CSMD1: variants seen among roughly 807,000 people sequenced by gnomAD.
The protein encoded by CSMD1 is CUB and sushi domain-containing protein 1.
Under a neutral mutation model 417.5 loss-of-function variants are expected in CSMD1, and 213 were observed. The observed-to-expected ratio is 0.51, with a 90% CI of 0.46 to 0.57. CSMD1 has a LOEUF of 0.57. CSMD1 is among the 20% of genes least tolerant of loss of function. The probability of loss-of-function intolerance (pLI) is 0.00; values close to 1 mark genes in which losing one functional copy is unlikely to be tolerated. For missense variants in CSMD1, 6,923 were observed against 4,529.7 expected (o/e 1.53, Z -15.17); for synonymous variants, 2,862 against 1,736.8 (o/e 1.65, Z -16.11).
At chr8:3,682,549 C>G (rs149266289) in intron 7 of CSMD1, among the ~76,000 whole-genome samples, 21,740 of 152,178 alleles carry the variant, frequency 0.14, 1,756 homozygotes, top group South Asian at 0.21. Flanking sequence ...ACAACAGGTG[C>G]TGGAGAGGAT....
At chr8:2,999,619 C>G (rs1200750865) in intron 53 of CSMD1, among the ~76,000 whole-genome samples, 1 of 152,142 alleles carries the variant, frequency 6.6e-6, no homozygotes, top group Non-Finnish European at 1.5e-5. Context: ...CACCCTCCTA[C>G]TATCAGCTTT....
At chr8:3,817,342 G>A (rs1238658719) in intron 5 of CSMD1, among the ~76,000 whole-genome samples, 3 of 129,556 alleles carry the variant, frequency 2.3e-5, no homozygotes, top group Admixed American at 9.6e-5. Flanking sequence ...GTACAGTGGC[G>A]GGATCTTGGC....
In CSMD1 at chr8:3,978,508, C is replaced by A. The variant is rs1194760880; in HGVS notation, c.818+19395G>T. ...GGGACTTTACTTCAATACATTCTAC[C>A]ACGCAGCCTGAAACACACTTATGTG... On this transcript the variant is annotated intron_variant, in intron 5 of 69. Transcript: ENST00000635120. 2.6e-5 allele frequency among the ~76,000 whole-genome samples: 4 copies of A among 152,210 alleles called. No homozygotes were observed. In the East Asian group the frequency reaches 7.7e-4, roughly 29 times the overall value.
chr8:4,043,337 T>A (rs936590866), intron 3 of CSMD1, among the ~76,000 whole-genome samples: 3 of 151,636 alleles, frequency 2.0e-5, no homozygotes, highest in Admixed American at 2.0e-4. Flanking sequence ...AGAAAATGAA[T>A]GAGAAATACA....
In CSMD1 at chr8:4,002,673, G is replaced by C. The variant is rs565226493; in HGVS notation, c.611-4563C>G. Among the ~76,000 whole-genome samples, 32 of 152,250 alleles carry C rather than the reference G, an allele frequency of 2.1e-4. No individual in the cohort carries two copies. The South Asian group carries it at 5.8e-3, about 28-fold the overall frequency. ...ATAAAAGCTTTGCTGACAGAAATGG[G>C]AACCATTATCCCTGCAGTGTGGAGT... On this transcript the variant is annotated intron_variant, in intron 4 of 69. Transcript: ENST00000635120.
chr8:3,264,831 C>T (rs905675114), intron 26 of CSMD1, among the ~76,000 whole-genome samples: 1 of 151,284 alleles, frequency 6.6e-6, no homozygotes, highest in Non-Finnish European at 1.5e-5. Flanking sequence ...AAAAACTATA[C>T]TGATACTATA....
intron 11 of CSMD1, among the ~76,000 whole-genome samples, chr8:3,490,494 C>T (rs1818309785): frequency 6.6e-6 from 1 of 152,006 alleles, no homozygotes; most frequent in South Asian, 2.1e-4. Flanking sequence ...TAGTGACATC[C>T]TCTCTTAAAT....
At chr8:3,938,525 C>G (rs1476649024) in intron 5 of CSMD1, among the ~76,000 whole-genome samples, 2 of 152,104 alleles carry the variant, frequency 1.3e-5, no homozygotes, top group Non-Finnish European at 2.9e-5. Context: ...TGGACAGACT[C>G]TGTTGGGGGA....
At chr8:4,566,673 AAAAAAG>A (rs1451363404) in intron 2 of CSMD1, among the ~76,000 whole-genome samples, 5 of 149,392 alleles carry the variant, frequency 3.3e-5, no homozygotes, top group African/African-American at 1.3e-4. Context: ...AAAAAAAAAA[AAAAAAG>A]AAAGCTAGTT....
chr8:4,788,055 T>A (rs755986690), intron 1 of CSMD1: 45 of 1,594,154 alleles, frequency 2.8e-5, no homozygotes, highest in Non-Finnish European at 3.4e-5. Flanking sequence ...AAAGAAAAAC[T>A]TTGAGTGGGT....
Position 3,566,160 on chromosome 8 carries a change from C to T in CSMD1, c.1344+8785G>A, listed in dbSNP as rs191811932. Among the ~76,000 whole-genome samples the T allele has an allele frequency of 2.5e-4, 37 of 147,980 alleles. No homozygotes were observed. The East Asian group carries it at 6.8e-3, about 27-fold the overall frequency. On this transcript the variant is annotated intron_variant, in intron 10 of 69. Transcript: ENST00000635120. ...GGAGAGAAAGAGGAGAGGAGGCAAACAACAAAGAGAGGAGAAAGGAAAGGG... is the reference window on the plus strand; with the variant it reads ...GGAGAGAAAGAGGAGAGGAGGCAAATAACAAAGAGAGGAGAAAGGAAAGGG...
intron 7 of CSMD1, among the ~76,000 whole-genome samples, chr8:3,662,301 G>C (rs1798460146): frequency 6.6e-6 from 1 of 152,162 alleles, no homozygotes; most frequent in Non-Finnish European, 1.5e-5. Flanking sequence ...TGAGTAAAAT[G>C]AACTATAAAT....
intron 41 of CSMD1, among the ~76,000 whole-genome samples, chr8:3,135,823 T>C (rs977066503): frequency 3.3e-5 from 5 of 152,162 alleles, no homozygotes; most frequent in African/African-American, 1.2e-4. Flanking sequence ...CCAAAATGTT[T>C]AGCAATTGCA....
intron 5 of CSMD1, among the ~76,000 whole-genome samples, chr8:3,877,377 A>G (rs1192487021): frequency 1.3e-5 from 2 of 152,188 alleles, no homozygotes; most frequent in Admixed American, 6.5e-5. Context: ...CCTGCCAGAC[A>G]TGGCTGCAGA....
chr8:4,657,614 T>G (rs1447698451), intron 1 of CSMD1, among the ~76,000 whole-genome samples: 1 of 150,872 alleles, frequency 6.6e-6, no homozygotes, highest in Non-Finnish European at 1.5e-5. Context: ...GAAGAATAAA[T>G]AAAATTAATT....
intron 5 of CSMD1, among the ~76,000 whole-genome samples, chr8:3,775,991 G>A (rs1011302536): frequency 1.3e-5 from 2 of 152,144 alleles, no homozygotes; most frequent in East Asian, 1.9e-4. Flanking sequence ...CCTCCTCAGA[G>A]CTTCAGACCC....
chr8:3,832,017 C>T (rs1246648351), intron 5 of CSMD1, among the ~76,000 whole-genome samples: 1 of 152,136 alleles, frequency 6.6e-6, no homozygotes, highest in Non-Finnish European at 1.5e-5. Flanking sequence ...TTTTAAAAAT[C>T]TCTGTCCTTC....
At chr8:4,918,279 G>A (rs1362910180) in intron 1 of CSMD1, among the ~76,000 whole-genome samples, 1 of 152,154 alleles carries the variant, frequency 6.6e-6, no homozygotes, top group African/African-American at 2.4e-5. Flanking sequence ...TTCTGGGACA[G>A]ACTTATTTTT....
At chr8:3,953,104 T>A (rs578253987) in intron 5 of CSMD1, among the ~76,000 whole-genome samples, 1 of 152,094 alleles carries the variant, frequency 6.6e-6, no homozygotes, top group South Asian at 2.1e-4. Context: ...ATCAAAAGCT[T>A]TCTCTGAAAA....
Sources: gnomAD v4.1 joint callset for allele counts (sites outside exome capture counted in the v4.1 genomes callset) on GRCh38, gnomAD v4.1.1 for gene constraint, MANE v1.5 for transcripts, NCBI Gene and HGNC (gene_info 2026-07-23, HGNC 2026-07-21) for gene names.